The following DOCK3 variants were observed in gnomAD, a reference collection of about 807,000 sequenced individuals.
DOCK3 encodes the protein dedicator of cytokinesis protein 3.
A neutral mutation model predicts 265.6 loss-of-function variants in DOCK3; 60 were observed. That is an observed-to-expected ratio of 0.23 (90% CI 0.18 to 0.28). The LOEUF is 0.28. Among genes scored for constraint, DOCK3 ranks in the 10% least tolerant of loss-of-function variants. The pLI, the probability that DOCK3 is intolerant of heterozygous loss-of-function variation, is 1.00. For synonymous variants in DOCK3, 881 were observed against 938.0 expected (o/e 0.94, Z 1.11); for missense variants, 1,981 against 2,594.3 (o/e 0.76, Z 5.14).
intron 27 of DOCK3, among the ~76,000 whole-genome samples, chr3:51,291,007 G>A (rs894817586): frequency 3.3e-5 from 5 of 152,210 alleles, no homozygotes; most frequent in African/African-American, 1.2e-4. Context: ...AACCCGGGAG[G>A]TGGAGGTTGC....
chr3:50,686,011 A>T (rs527639884), intron 1 of DOCK3, among the ~76,000 whole-genome samples: 2 of 152,268 alleles, frequency 1.3e-5, no homozygotes, highest in Non-Finnish European at 2.9e-5. Context: ...TTCCATGGAC[A>T]GGATGAGGGG....
At chr3:51,222,772 T>C (rs1032086456) in intron 14 of DOCK3, among the ~76,000 whole-genome samples, 4 of 152,156 alleles carry the variant, frequency 2.6e-5, no homozygotes, top group Non-Finnish European at 5.9e-5. Flanking sequence ...AGGCATTCTG[T>C]TTTTTAAAAA....
intron 49 of DOCK3, among the ~76,000 whole-genome samples, chr3:51,370,894 A>G (rs2087626880): frequency 6.6e-6 from 1 of 152,196 alleles, no homozygotes; most frequent in African/African-American, 2.4e-5. Flanking sequence ...ATGGCTGGCA[A>G]TTGATGCTGG....
At chr3:50,823,444 G>A (rs1344786282) in intron 2 of DOCK3, among the ~76,000 whole-genome samples, 1 of 152,240 alleles carries the variant, frequency 6.6e-6, no homozygotes, top group African/African-American at 2.4e-5. Flanking sequence ...TCAACCCTGA[G>A]TGGACACAGC....
At chr3:50,973,083 A>ATTTCTTTTTTTT (rs2077300752) in intron 5 of DOCK3, among the ~76,000 whole-genome samples, 1 of 19,566 alleles carries the variant, frequency 5.1e-5, no homozygotes, top group Non-Finnish European at 1.2e-4. Context: ...TGCAGTTCCA[A>ATTTCTTTTTTTT]CCTTTTATTT....
intron 5 of DOCK3, among the ~76,000 whole-genome samples, chr3:51,011,586 A>G (rs111371771): frequency 0.017 from 2,568 of 152,266 alleles, 51 homozygotes; most frequent in African/African-American, 0.042. Context: ...CCTTTAGCTC[A>G]GAGAAGTTTG....
chr3:50,737,146 G>C (rs1261698757), intron 1 of DOCK3, among the ~76,000 whole-genome samples: 1 of 152,092 alleles, frequency 6.6e-6, no homozygotes, highest in Non-Finnish European at 1.5e-5. Flanking sequence ...TTCCCATTCT[G>C]TAGGTTACCT....
chr3:51,072,732 GTCTC>G (rs999788744), intron 6 of DOCK3, among the ~76,000 whole-genome samples: 1 of 151,778 alleles, frequency 6.6e-6, no homozygotes, highest in Non-Finnish European at 1.5e-5. Flanking sequence ...TTGAGACAGG[GTCTC>G]TCTCTGTCCC....
At chr3:51,329,187 T>C (rs2084354146) in intron 32 of DOCK3, among the ~76,000 whole-genome samples, 1 of 152,070 alleles carries the variant, frequency 6.6e-6, no homozygotes, top group Admixed American at 6.6e-5. Flanking sequence ...GTTAAAACAA[T>C]TTTATATCAT....
At chr3:51,021,785 C>T (rs999604091) in intron 5 of DOCK3, among the ~76,000 whole-genome samples, 7 of 152,030 alleles carry the variant, frequency 4.6e-5, no homozygotes, top group Non-Finnish European at 8.8e-5. Flanking sequence ...CCTCAGCCTC[C>T]TGAGTAGCTG....
intron 22 of DOCK3, among the ~76,000 whole-genome samples, chr3:51,257,850 C>G (rs2079634370): frequency 6.6e-6 from 1 of 152,176 alleles, no homozygotes; most frequent in African/African-American, 2.4e-5. Flanking sequence ...ACTCCTCTGC[C>G]CCGCTCTCCT....
intron 12 of DOCK3, among the ~76,000 whole-genome samples, chr3:51,196,903 C>T (rs949711954): frequency 2.0e-5 from 3 of 152,122 alleles, no homozygotes; most frequent in Non-Finnish European, 2.9e-5. Context: ...TTATTATGTT[C>T]CTTTGGAAGT....
intron 49 of DOCK3, among the ~76,000 whole-genome samples, chr3:51,365,282 A>G (rs1020849164): frequency 5.9e-5 from 9 of 152,122 alleles, no homozygotes; most frequent in South Asian, 2.1e-4. Flanking sequence ...ATTTGGCTCT[A>G]TGTTTGTCTG....
At chr3:50,724,788 A>G (rs2037710012) in intron 1 of DOCK3, among the ~76,000 whole-genome samples, 2 of 152,208 alleles carry the variant, frequency 1.3e-5, no homozygotes, top group South Asian at 4.1e-4. Context: ...ATACCTATGT[A>G]GCAAACCTGC....
intron 1 of DOCK3, among the ~76,000 whole-genome samples, chr3:50,748,688 C>G (rs934459667): frequency 1.3e-5 from 2 of 152,208 alleles, no homozygotes; most frequent in Non-Finnish European, 2.9e-5. Flanking sequence ...TCCAAACTCT[C>G]TACCCTCTTT....
At chr3:51,369,354 C>T (rs977610857) in intron 49 of DOCK3, among the ~76,000 whole-genome samples, 3 of 152,086 alleles carry the variant, frequency 2.0e-5, no homozygotes, top group African/African-American at 4.8e-5. Flanking sequence ...CTTAAATGAC[C>T]TGATGGAGCT....
chr3:50,998,472 G>A (rs560295653), intron 5 of DOCK3, among the ~76,000 whole-genome samples: 22 of 152,260 alleles, frequency 1.4e-4, no homozygotes, highest in Admixed American at 7.2e-4. Context: ...CGAATGAGTT[G>A]ATACAATTTC....
chr3:50,759,365 T>C (rs1051957495), intron 1 of DOCK3, among the ~76,000 whole-genome samples: 1 of 152,170 alleles, frequency 6.6e-6, no homozygotes, highest in Non-Finnish European at 1.5e-5. Flanking sequence ...ACACCTTTAA[T>C]ATTTGTTCTT....
intron 4 of DOCK3, among the ~76,000 whole-genome samples, chr3:50,898,321 GA>G (rs2048992163): frequency 2.0e-5 from 3 of 152,272 alleles, no homozygotes; most frequent in African/African-American, 7.2e-5. Context: ...GATCAGTGGG[GA>G]TATCCCCTTT....
Sources: gnomAD v4.1 joint callset for allele counts (sites outside exome capture counted in the v4.1 genomes callset) on GRCh38, gnomAD v4.1.1 for gene constraint, MANE v1.5 for transcripts, NCBI Gene and HGNC (gene_info 2026-07-23, HGNC 2026-07-21) for gene names.